The following SOCS6 variants were observed in gnomAD, a reference collection of about 807,000 sequenced individuals.
SOCS6 encodes the protein STAT induced STAT inhibitor-4.
A neutral mutation model predicts 27.7 loss-of-function variants in SOCS6; 5 were observed. The ratio of observed to expected loss-of-function variants is 0.18; its 90% CI spans 0.09 to 0.38. The LOEUF (loss-of-function observed/expected upper bound fraction) is 0.38. SOCS6 is among the 10% of genes least tolerant of loss of function. SOCS6 has a pLI of 1.00. For missense variants in SOCS6, 595 were observed against 688.1 expected (o/e 0.86, Z 1.51); for synonymous variants, 271 against 260.0 (o/e 1.04, Z -0.41).
chr18:70,318,321 A>G (rs772053221), intron 1 of SOCS6, among the ~76,000 whole-genome samples: 1 of 152,140 alleles, frequency 6.6e-6, no homozygotes, highest in Non-Finnish European at 1.5e-5. Flanking sequence ...TTATTTGTTC[A>G]TATGTTTAAA....
chr18:70,314,249 C>T (rs951072879), intron 1 of SOCS6: 4 of 152,010 alleles, frequency 2.6e-5, no homozygotes, highest in African/African-American at 7.3e-5. Context: ...GAGTGAGACC[C>T]CATCTCAAAA....
At chr18:70,319,190 C>T (rs1370210502) in intron 1 of SOCS6, among the ~76,000 whole-genome samples, 1 of 150,986 alleles carries the variant, frequency 6.6e-6, no homozygotes, top group Non-Finnish European at 1.5e-5. Context: ...TCCTTTTTTT[C>T]CTAAGGGAAT....
In SOCS6 at chr18:70,329,525, A is replaced by G. The variant is rs1046240407; in HGVS notation, c.*3249A>G. 6.0e-6 allele frequency: 1 copy of G among 167,236 alleles called. No homozygotes were observed. The highest frequency in any genetic ancestry group is 3.4e-3 in the Middle Eastern group (1 of 296). 10.4% of individuals were successfully genotyped at this position (167,236 alleles called of 1,614,324 possible). On this transcript the variant is annotated 3_prime_UTR_variant, in exon 2 of 2. Coordinates refer to ENST00000397942, the MANE Select transcript of SOCS6 (RefSeq NM_004232.4). The stretch of plus-strand genomic sequence containing the variant: ...AATGCCAGTTTTAATTACATTTCAC[A>G]TTGTATATGAGAGATACTGCTTTAT...
At chr18:70,319,898 A>G (rs76104918) in intron 1 of SOCS6, among the ~76,000 whole-genome samples, 4,172 of 152,260 alleles carry the variant, frequency 0.027, 212 homozygotes, top group African/African-American at 0.093. Context: ...TGATTATTCC[A>G]TGTGTTTTAA....
intron 1 of SOCS6, chr18:70,314,126 C>A (rs1304264617): frequency 6.6e-6 from 1 of 152,080 alleles, no homozygotes; most frequent in East Asian, 1.9e-4. Context: ...TGTGGTGGCA[C>A]ACACCTGTAA....
At chr18:70,297,944 C>G (rs2062331485) in intron 1 of SOCS6, among the ~76,000 whole-genome samples, 1 of 152,130 alleles carries the variant, frequency 6.6e-6, no homozygotes, top group African/African-American at 2.4e-5. Context: ...AATTGAATGA[C>G]AAAATCTTGT....
Position 70,325,428 on chromosome 18 carries a change from C to G in SOCS6, c.760C>G (p.Pro254Ala). Reference protein sequence around the residue: ...SSSPMEVSAVPPQVGGRAFPE... With the variant: ...SSSPMEVSAVAPQVGGRAFPE... ...TTCTCCCATGGAAGTCTCTGCGGTT[C>G]CTCCTCAAGTGGGAGGGCGCGCTTT... The change falls in exon 2 of 2, where the codon CCT becomes GCT. Residue 254 changes from proline (P) to alanine (A), a missense_variant. Physicochemically the swap from Pro to Ala is conservative, Grantham distance 27. Transcript: ENST00000397942. The surrounding 1 kb of genome is among the most constrained non-coding windows in gnomAD (Gnocchi z 6.3). The G allele has an allele frequency of 3.1e-6, 5 of 1,614,178 alleles. No homozygotes were observed. The highest frequency in any genetic ancestry group is 4.2e-6 in the Non-Finnish European group (5 of 1,180,022).
intron 1 of SOCS6, among the ~76,000 whole-genome samples, chr18:70,298,977 T>C (rs533581652): frequency 6.6e-6 from 1 of 152,010 alleles, no homozygotes; most frequent in African/African-American, 2.4e-5. Context: ...ATACAAAAAT[T>C]AGCCAGGCAC....
intron 1 of SOCS6, among the ~76,000 whole-genome samples, chr18:70,317,341 A>G (rs1177328221): frequency 1.3e-5 from 2 of 152,138 alleles, no homozygotes; most frequent in African/African-American, 4.8e-5. Flanking sequence ...TTCACTTAGA[A>G]TGGAAGTTAG....
intron 1 of SOCS6, among the ~76,000 whole-genome samples, chr18:70,317,617 G>A (rs946085194): frequency 4.0e-5 from 6 of 151,056 alleles, no homozygotes; most frequent in African/African-American, 9.8e-5. Flanking sequence ...GTTGATGGAC[G>A]TTGGGCTCAT....
chr18:70,311,033 C>T (rs1376571413), intron 1 of SOCS6, among the ~76,000 whole-genome samples: 7 of 152,094 alleles, frequency 4.6e-5, no homozygotes. Context: ...AAGTGAGTGG[C>T]GGTTGGAGCA....
chr18:70,297,599 G>A lies in SOCS6; in HGVS notation c.-127+8509G>A, dbSNP rs186395190. ...ACTATTTTAAAAGCATCAAGAGATC[G>A]CATCTTTGGGAACCCACAATAAATG... On this transcript the variant is annotated intron_variant, in intron 1 of 1. Transcript: ENST00000397942. Among the ~76,000 whole-genome samples, 718 of 151,484 alleles carry A rather than the reference G, an allele frequency of 4.7e-3. 5 individuals carry two copies. Among genetic ancestry groups the A allele is most frequent in the African/African-American group, 0.016 (680 of 41,508 alleles).
At chr18:70,300,372 G>A (rs1435320187) in intron 1 of SOCS6, among the ~76,000 whole-genome samples, 2 of 152,066 alleles carry the variant, frequency 1.3e-5, no homozygotes, top group African/African-American at 4.8e-5. Flanking sequence ...CAAGTGATCT[G>A]CCAGCCTCAG....
At chr18:70,298,898 G>T (rs2062336045) in intron 1 of SOCS6, among the ~76,000 whole-genome samples, 1 of 152,160 alleles carries the variant, frequency 6.6e-6, no homozygotes, top group African/African-American at 2.4e-5. Flanking sequence ...GCCGAGGTGG[G>T]CGGATCACTT....
chr18:70,290,353 A>G (rs939507591), intron 1 of SOCS6, among the ~76,000 whole-genome samples: 1 of 152,226 alleles, frequency 6.6e-6, no homozygotes. Flanking sequence ...CTACCACAAC[A>G]TTAAATCCAT....
chr18:70,324,818 T>G lies in SOCS6; in HGVS notation c.150T>G (p.Asp50Glu). Residue 50 changes from aspartate (D) to glutamate (E), a missense_variant, in exon 2 of 2, where the codon GAT becomes GAG. Asp to Glu is a conservative substitution (Grantham distance 45). Around this residue, in one of 2 missense-constraint regions of SOCS6, gnomAD observed 467 missense variants for 481.1 expected, o/e 0.97. Coordinates refer to ENST00000397942, the MANE Select transcript of SOCS6 (RefSeq NM_004232.4). ...TATTTGGTAGCTGCTATGGTAAAGA[T>G]ATGGCCAGCTGCGATATCAACGGTG... ...DSLFGSCYGK[D>E]MASCDINGED... The G allele has an allele frequency of 1.2e-6, 2 of 1,614,144 alleles. No homozygotes were observed. Among genetic ancestry groups the G allele is most frequent in the Non-Finnish European group, 1.7e-6 (2 of 1,180,030 alleles).
chr18:70,294,765 T>C (rs2062316111), intron 1 of SOCS6, among the ~76,000 whole-genome samples: 1 of 152,222 alleles, frequency 6.6e-6, no homozygotes, highest in African/African-American at 2.4e-5. Context: ...TGTGGGGTCA[T>C]TGCAGTTCAT....
chr18:70,327,502 A>G lies in SOCS6; in HGVS notation c.*1226A>G, dbSNP rs1257975982. Reference sequence around the variant, plus strand: ...CCATATTAGATAATGTGGAAGTCATATTGTCTATCATATATACTGCCATTT... The same window carrying G: ...CCATATTAGATAATGTGGAAGTCATGTTGTCTATCATATATACTGCCATTT... On this transcript the variant is annotated 3_prime_UTR_variant, in exon 2 of 2. Transcript: ENST00000397942. 6.0e-6 allele frequency: 1 copy of G among 166,570 alleles called. No homozygotes were observed. Among genetic ancestry groups the G allele is most frequent in the Non-Finnish European group, 1.5e-5 (1 of 68,084 alleles). 10.3% of individuals were successfully genotyped at this position (166,570 alleles called of 1,614,324 possible). A position where few individuals can be genotyped will look rare whatever the true frequency, so the allele number is the denominator to read the frequency against.
At chr18:70,312,982 A>C (rs41427848) in intron 1 of SOCS6, among the ~76,000 whole-genome samples, 1 of 151,800 alleles carries the variant, frequency 6.6e-6, no homozygotes. Context: ...GGCTTTCACC[A>C]TGTTGGCCGG....
Sources: allele counts gnomAD v4.1 joint callset (sites outside exome capture counted in the v4.1 genomes callset), GRCh38; gene constraint gnomAD v4.1.1; regional missense constraint gnomAD v4.1.1; non-coding constraint Gnocchi (gnomAD v3.1); transcripts MANE v1.5; gene names NCBI Gene and HGNC (gene_info 2026-07-23, HGNC 2026-07-21).